Variants in WDR27 observed in about 807,000 individuals in gnomAD.
The protein encoded by WDR27 is WD repeat domain 27.
In WDR27, 100 loss-of-function variants were observed where a neutral mutation model predicts 114.4. That is an observed-to-expected ratio of 0.87 (90% CI 0.74 to 1.03). The LOEUF (loss-of-function observed/expected upper bound fraction) is 1.03. WDR27 is among the 50% of genes least tolerant of loss of function. WDR27 has a pLI of 0.00. For synonymous variants in WDR27, 449 were observed against 423.1 expected, an observed-to-expected ratio of 1.06 and a Z score of -0.75; for missense variants, 1,129 against 1,092.9, an observed-to-expected ratio of 1.03 and a Z score of -0.47.
At chr6:169,436,798 A>G in the WDR27 span, among the ~76,000 whole-genome samples, 5 of 152,236 alleles carry the variant, frequency 3.3e-5, no homozygotes, top group African/African-American at 1.2e-4. Context: ...TGCCTTCTTA[A>G]ATTTTATAAA....
chr6:169,487,840 T>G (rs1484634565), intron 25 of WDR27, among the ~76,000 whole-genome samples: 1 of 152,214 alleles, frequency 6.6e-6, no homozygotes, highest in Non-Finnish European at 1.5e-5. Context: ...GTTAATAGTT[T>G]GGAGTTTTAA....
intron 21 of WDR27, among the ~76,000 whole-genome samples, chr6:169,631,303 C>A (rs1340158885): frequency 6.6e-6 from 1 of 151,966 alleles, no homozygotes; most frequent in Non-Finnish European, 1.5e-5. Flanking sequence ...AGAAAAAATG[C>A]AGAAAAATAA....
intron 25 of WDR27, among the ~76,000 whole-genome samples, chr6:169,465,661 T>C (rs894281431): frequency 2.0e-5 from 3 of 152,176 alleles, no homozygotes; most frequent in African/African-American, 4.8e-5. Context: ...CATCAATGGA[T>C]AAATGGATAA....
intron 25 of WDR27, among the ~76,000 whole-genome samples, chr6:169,501,505 C>G (rs1455716001): frequency 1.3e-5 from 2 of 152,288 alleles, no homozygotes; most frequent in Admixed American, 1.3e-4. Context: ...TCCCACAAAG[C>G]CAGAAACAAA....
chr6:169,516,812 C>CAT (rs1793719460), intron 25 of WDR27, among the ~76,000 whole-genome samples: 1 of 151,448 alleles, frequency 6.6e-6, no homozygotes, highest in Admixed American at 6.6e-5. Context: ...CACACACACA[C>CAT]ACACACACAC....
downstream of WDR27, among the ~76,000 whole-genome samples, chr6:169,453,341 T>C (rs1320801716): frequency 6.6e-6 from 1 of 152,046 alleles, no homozygotes; most frequent in Non-Finnish European, 1.5e-5. Context: ...ATTAGGAATA[T>C]AAACTTGCTA....
chr6:169,485,923 C>A (rs1280356037), intron 25 of WDR27, among the ~76,000 whole-genome samples: 1 of 152,162 alleles, frequency 6.6e-6, no homozygotes, highest in Non-Finnish European at 1.5e-5. Flanking sequence ...AAACCAAATA[C>A]TGCACGTTTT....
intron 25 of WDR27, among the ~76,000 whole-genome samples, chr6:169,510,316 A>G (rs1792644484): frequency 6.6e-6 from 1 of 152,168 alleles, no homozygotes; most frequent in Non-Finnish European, 1.5e-5. Flanking sequence ...ATGCTGCTCT[A>G]AAGACACATG....
intron 25 of WDR27, among the ~76,000 whole-genome samples, chr6:169,467,218 CAG>C (rs1785708453): frequency 6.6e-6 from 1 of 152,210 alleles, no homozygotes; most frequent in Admixed American, 6.5e-5. Flanking sequence ...CGGGCTAGAA[CAG>C]AGTGTCTGCA....
At chr6:169,696,421 C>T (rs1008941181) in intron 1 of WDR27, among the ~76,000 whole-genome samples, 3 of 152,230 alleles carry the variant, frequency 2.0e-5, no homozygotes, top group Non-Finnish European at 4.4e-5. Context: ...CCTGTATACA[C>T]ACATGCACAC....
intron 24 of WDR27, among the ~76,000 whole-genome samples, chr6:169,582,057 G>A (rs1381425114): frequency 3.9e-5 from 6 of 152,042 alleles, no homozygotes; most frequent in Non-Finnish European, 7.4e-5. Flanking sequence ...CACTGCAACC[G>A]CCGCCTCCCA....
intron 25 of WDR27, among the ~76,000 whole-genome samples, chr6:169,536,724 C>T (rs1357763017): frequency 2.6e-5 from 4 of 152,116 alleles, no homozygotes; most frequent in Non-Finnish European, 5.9e-5. Flanking sequence ...AACCAGAAAT[C>T]TCACCTAGGA....
At chr6:169,665,311 T>G in intron 7 of WDR27, 175 bp downstream of exon 7, 4 of 1,385,870 alleles carry the variant, frequency 2.9e-6, no homozygotes, top group Non-Finnish European at 3.7e-6. Context: ...CCCAGGACCA[T>G]ATTGAACCCA....
rs767545660 is a variant in WDR27, at chr6:169,688,961, TAGAC to T, written c.41_44del (p.Cys14Ter). ...GGTATTTTTCTATAACTATATCACT[TAGAC>T]AGCCACCATTACTTGAGAAAATGTC... On this transcript the variant is annotated frameshift_variant, in exon 2 of 26. Transcript: ENST00000448612. LOFTEE classifies it high-confidence loss of function. 44 of 1,613,102 alleles carry T rather than the reference TAGAC, an allele frequency of 2.7e-5. No homozygotes were observed. The highest frequency in any genetic ancestry group is 1.3e-4 in the South Asian group (12 of 90,854).
In WDR27 at chr6:169,457,212, G is replaced by T; in HGVS notation, c.*380C>A. On this transcript the variant is annotated 3_prime_UTR_variant, in exon 26 of 26. Coordinates refer to ENST00000448612, the MANE Select transcript of WDR27 (RefSeq NM_182552.5). ...TAATCAGAAGACCAGAGCCAGTTAG[G>T]ACTGTTAACTGCTTTATTTTCACTG... The T allele has an allele frequency of 5.3e-6, 1 of 189,434 alleles. No homozygotes were observed. The highest frequency in any genetic ancestry group is 9.8e-5 in the South Asian group (1 of 10,210). The allele number at this position is 189,434 out of a possible 1,614,324, so 11.7% of individuals were successfully genotyped here.
intron 25 of WDR27, among the ~76,000 whole-genome samples, chr6:169,563,514 C>T (rs1799973444): frequency 6.6e-6 from 1 of 152,142 alleles, no homozygotes; most frequent in African/African-American, 2.4e-5. Context: ...GTTTAAAATT[C>T]AAGTGTACCT....
At chr6:169,513,061 G>C (rs1304725933) in intron 25 of WDR27, among the ~76,000 whole-genome samples, 2 of 152,292 alleles carry the variant, frequency 1.3e-5, no homozygotes, top group East Asian at 3.9e-4. Flanking sequence ...CAAACTTAGT[G>C]GTTTAAAATA....
chr6:169,592,962 G>A (rs1806043597), intron 23 of WDR27, among the ~76,000 whole-genome samples: 1 of 152,152 alleles, frequency 6.6e-6, no homozygotes, highest in Non-Finnish European at 1.5e-5. Context: ...GGAATTATTA[G>A]TGGATTTATT....
chr6:169,539,876 T>G (rs1796632459), intron 25 of WDR27, among the ~76,000 whole-genome samples: 1 of 152,180 alleles, frequency 6.6e-6, no homozygotes, highest in African/African-American at 2.4e-5. Context: ...TTCTTACTAT[T>G]TTCTTCTGTT....
Sources: allele counts gnomAD v4.1 joint callset (sites outside exome capture counted in the v4.1 genomes callset), GRCh38; gene constraint gnomAD v4.1.1; transcripts MANE v1.5; gene names NCBI Gene and HGNC (gene_info 2026-07-23, HGNC 2026-07-21).